The following BCAR3 variants were observed in gnomAD, a reference collection of about 807,000 sequenced individuals.
The protein encoded by BCAR3 is BCAR3 adaptor protein, NSP family member.
Under a neutral mutation model 80.1 loss-of-function variants are expected in BCAR3, and 37 were observed. That is an observed-to-expected ratio of 0.46 (90% CI 0.36 to 0.61). The LOEUF is 0.61. Among genes scored for constraint, BCAR3 ranks in the 20% least tolerant of loss-of-function variants. The pLI, the probability that BCAR3 is intolerant of heterozygous loss-of-function variation, is 0.00. For missense variants in BCAR3, 978 were observed against 1,068.2 expected (o/e 0.92, Z 1.18); for synonymous variants, 389 against 418.9 (o/e 0.93, Z 0.87).
intron 3 of BCAR3, among the ~76,000 whole-genome samples, chr1:93,630,454 A>G (rs78783746): frequency 0.034 from 5,172 of 151,472 alleles, 109 homozygotes; most frequent in African/African-American, 0.058. Context: ...TGGTGAAACC[A>G]GGTCTCTAAA....
chr1:93,836,170 G>T (rs1269388318), intron 2 of BCAR3, among the ~76,000 whole-genome samples: 1 of 152,118 alleles, frequency 6.6e-6, no homozygotes, highest in Non-Finnish European at 1.5e-5. Context: ...ATGCTACAGG[G>T]TACAGCCCAT....
upstream of BCAR3, among the ~76,000 whole-genome samples, chr1:93,682,549 T>C (rs1387545107): frequency 6.6e-6 from 1 of 152,202 alleles, no homozygotes; most frequent in Non-Finnish European, 1.5e-5. Context: ...CCCCAGTCAA[T>C]TCCAGATGGA....
intron 3 of BCAR3, among the ~76,000 whole-genome samples, chr1:93,703,823 G>C (rs1649735436): frequency 6.6e-6 from 1 of 152,182 alleles, no homozygotes; most frequent in Admixed American, 6.5e-5. Context: ...GTTGGGGGAG[G>C]CAGACAAATG....
chr1:93,787,799 A>G (rs568680308), intron 2 of BCAR3, among the ~76,000 whole-genome samples: 1 of 152,312 alleles, frequency 6.6e-6, no homozygotes, highest in African/African-American at 2.4e-5. Flanking sequence ...GTTGTTGGGT[A>G]GAATGTTCTG....
At chr1:93,769,413 G>A (rs992395937) in intron 2 of BCAR3, among the ~76,000 whole-genome samples, 11 of 149,932 alleles carry the variant, frequency 7.3e-5, no homozygotes, top group African/African-American at 2.7e-4. Flanking sequence ...GTGTGTCAAG[G>A]AGCGGGGTGG....
At chr1:93,756,681 T>C (rs1469212139) in intron 2 of BCAR3, among the ~76,000 whole-genome samples, 3 of 152,220 alleles carry the variant, frequency 2.0e-5, no homozygotes, top group Non-Finnish European at 4.4e-5. Context: ...CCTTGGTTAG[T>C]TCCTAAGAGG....
At chr1:93,772,909 C>A (rs1652409434) in intron 2 of BCAR3, among the ~76,000 whole-genome samples, 1 of 152,086 alleles carries the variant, frequency 6.6e-6, no homozygotes, top group Admixed American at 6.6e-5. Context: ...CGGCCATCAA[C>A]CTCTTCTTTT....
rs1327569400 is a variant in BCAR3, at chr1:93,735,410, G to A, written c.-62-29268C>T. Among the ~76,000 whole-genome samples the A allele has an allele frequency of 2.0e-5, 3 of 152,196 alleles. No individual in the cohort carries two copies. In the East Asian group the frequency reaches 5.8e-4, roughly 29 times the overall value. Reference sequence around the variant, plus strand: ...CAAAGCCGTGAGCTCTGTCATGGCAGACAACATGGGATCATTTTGAGAACT... The same window carrying A: ...CAAAGCCGTGAGCTCTGTCATGGCAAACAACATGGGATCATTTTGAGAACT... On this transcript the variant is annotated intron_variant, in intron 2 of 13. Transcript: ENST00000370244.
intron 2 of BCAR3, chr1:93,720,080 G>A (rs891433230): frequency 2.0e-5 from 3 of 152,282 alleles, no homozygotes; most frequent in Admixed American, 2.0e-4. Context: ...CCTCAGTCAA[G>A]CAAGGGACTG....
chr1:93,578,972 G>A (rs528942897), intron 7 of BCAR3, among the ~76,000 whole-genome samples: 1 of 152,244 alleles, frequency 6.6e-6, no homozygotes, highest in African/African-American at 2.4e-5. Context: ...ATGTGGCAGA[G>A]GCAGGATTCA....
intron 2 of BCAR3, among the ~76,000 whole-genome samples, chr1:93,828,502 T>C (rs1654451933): frequency 6.6e-6 from 1 of 152,196 alleles, no homozygotes; most frequent in South Asian, 2.1e-4. Context: ...GGTTCTCCCC[T>C]CTGCCTGGGA....
chr1:93,647,254 A>G (rs1676172436), intron 2 of BCAR3, among the ~76,000 whole-genome samples: 1 of 152,208 alleles, frequency 6.6e-6, no homozygotes, highest in South Asian at 2.1e-4. Flanking sequence ...TGCTCTAAAC[A>G]TGAATGCCCC....
chr1:93,667,896 G>C (rs1648002146), intron 2 of BCAR3, among the ~76,000 whole-genome samples: 6 of 152,198 alleles, frequency 3.9e-5, no homozygotes, highest in African/African-American at 9.7e-5. Flanking sequence ...TACTCCTTTA[G>C]CTTACAACTA....
In BCAR3 at chr1:93,645,563, GT is replaced by G. The variant is rs943787857; in HGVS notation, c.318-3221del. On this transcript the variant is annotated intron_variant, in intron 2 of 11. Coordinates refer to ENST00000260502, the MANE Select transcript of BCAR3 (RefSeq NM_003567.4). The stretch of plus-strand genomic sequence containing the variant: ...TAAAAACCACTGTTTGGATCTAACA[GT>G]TTTTTTTTTCTTGCAAGCCAGTGAA... Among the ~76,000 whole-genome samples the G allele has an allele frequency of 3.0e-3, 442 of 147,726 alleles. 2 individuals carry two copies. Among genetic ancestry groups the G allele is most frequent in the African/African-American group, 0.01 (414 of 40,318 alleles).
At chr1:93,564,849 C>T (rs1672877615) in intron 11 of BCAR3, among the ~76,000 whole-genome samples, 1 of 152,126 alleles carries the variant, frequency 6.6e-6, no homozygotes, top group Admixed American at 6.5e-5. Flanking sequence ...AACTCTATTC[C>T]ATCTAAGAGA....
intron 2 of BCAR3, among the ~76,000 whole-genome samples, chr1:93,737,897 A>G (rs1327382120): frequency 2.6e-5 from 4 of 152,212 alleles, no homozygotes; most frequent in South Asian, 2.1e-4. Flanking sequence ...CAGTGATGTG[A>G]TCATAGCTCA....
chr1:93,782,896 A>G (rs12119418), intron 2 of BCAR3, among the ~76,000 whole-genome samples: 20,523 of 152,186 alleles, frequency 0.13, 2,169 homozygotes, highest in African/African-American at 0.28. Context: ...GGGAGGAGAT[A>G]TTTTCAACAC....
chr1:93,821,387 G>A (rs1011277005), intron 2 of BCAR3, among the ~76,000 whole-genome samples: 21 of 152,180 alleles, frequency 1.4e-4, no homozygotes, highest in Admixed American at 9.8e-4. Flanking sequence ...GGATGTCTTC[G>A]ATTTCTCTTT....
chr1:93,678,943 G>A (rs1005779268), intron 1 of BCAR3, among the ~76,000 whole-genome samples: 6 of 152,110 alleles, frequency 3.9e-5, no homozygotes, highest in Non-Finnish European at 8.8e-5. Flanking sequence ...TCTCCACTTG[G>A]AAATATTTCT....
Sources: allele counts gnomAD v4.1 joint callset (sites outside exome capture counted in the v4.1 genomes callset), GRCh38; gene constraint gnomAD v4.1.1; transcripts MANE v1.5; gene names NCBI Gene and HGNC (gene_info 2026-07-23, HGNC 2026-07-21).